The following PCDH9 variants were observed in gnomAD, a reference collection of about 807,000 sequenced individuals.
The protein encoded by PCDH9 is protocadherin 9, also known as protocadherin-9.
Under a neutral mutation model 70.6 loss-of-function variants are expected in PCDH9, and 24 were observed. The ratio of observed to expected loss-of-function variants is 0.34; its 90% confidence interval spans 0.25 to 0.48. PCDH9 has a LOEUF of 0.48. Among genes scored for constraint, PCDH9 ranks in the 20% least tolerant of loss-of-function variants. PCDH9 has a pLI of 0.99. For synonymous variants in PCDH9, 562 were observed against 558.5 expected (o/e 1.01, Z -0.09); for missense variants, 1,281 against 1,503.6 (o/e 0.85, Z 2.45).
chr13:66,667,180 A>G (rs1162008217), intron 3 of PCDH9, among the ~76,000 whole-genome samples: 1 of 152,186 alleles, frequency 6.6e-6, no homozygotes, highest in Non-Finnish European at 1.5e-5. Context: ...TGTGCCTGAT[A>G]GTCCCTGGTT....
chr13:67,138,843 C>CCT (rs1483350524), intron 2 of PCDH9, among the ~76,000 whole-genome samples: 1 of 152,062 alleles, frequency 6.6e-6, no homozygotes, highest in Non-Finnish European at 1.5e-5. Context: ...TTGAAAATAG[C>CCT]CTATACATAT....
In PCDH9 at chr13:66,631,315, G is replaced by C; in HGVS notation, c.3235C>G (p.Leu1079Val). The stretch of plus-strand genomic sequence containing the variant: ...ACCAGAGGAAGAGGGTGTGAGATCA[G>C]GGTTCCACTACCCACCGGCTCATGG... Reference protein sequence around the residue: ...GDHEPVGSGTLISHPLPLVQP... With the variant: ...GDHEPVGSGTVISHPLPLVQP... Residue 1079 changes from leucine (L) to valine (V), a missense_variant, in exon 4 of 5, where the codon CTG becomes GTG. Physicochemically the swap from Leu to Val is conservative, Grantham distance 32. Transcript: ENST00000377865. The C allele has an allele frequency of 6.2e-7, 1 of 1,603,410 alleles. No homozygotes were observed.
chr13:67,126,151 G>A (rs1373593825), intron 2 of PCDH9, among the ~76,000 whole-genome samples: 2 of 152,056 alleles, frequency 1.3e-5, no homozygotes, highest in African/African-American at 4.8e-5. Context: ...CCAGAGCCTG[G>A]GCTTTCAGAC....
intron 2 of PCDH9, among the ~76,000 whole-genome samples, chr13:66,981,120 T>C (rs1463670575): frequency 2.0e-5 from 3 of 152,030 alleles, no homozygotes; most frequent in African/African-American, 7.2e-5. Flanking sequence ...TTACAGAATA[T>C]AATAAAATAA....
intron 2 of PCDH9, among the ~76,000 whole-genome samples, chr13:66,946,082 C>T (rs1046338720): frequency 1.3e-5 from 2 of 152,096 alleles, no homozygotes; most frequent in African/African-American, 4.8e-5. Context: ...CATCTGGTCA[C>T]TAATGACTTC....
chr13:66,320,325 G>A (rs1955731647), intron 4 of PCDH9, among the ~76,000 whole-genome samples: 1 of 152,000 alleles, frequency 6.6e-6, no homozygotes, highest in South Asian at 2.1e-4. Context: ...CTGTGCCTCA[G>A]TCTACCACAT....
At chr13:67,044,937 T>A (rs1458787041) in intron 2 of PCDH9, among the ~76,000 whole-genome samples, 1 of 152,032 alleles carries the variant, frequency 6.6e-6, no homozygotes, top group African/African-American at 2.4e-5. Context: ...ATTAGGAAGA[T>A]GAATCTGATA....
At chr13:66,556,315 G>A (rs1184358334) in intron 4 of PCDH9, among the ~76,000 whole-genome samples, 4 of 152,050 alleles carry the variant, frequency 2.6e-5, no homozygotes, top group Non-Finnish European at 5.9e-5. Context: ...ATGAGTGTAA[G>A]ATATGGGGAC....
At chr13:67,125,323 C>T (rs547786590) in intron 2 of PCDH9, among the ~76,000 whole-genome samples, 2 of 152,064 alleles carry the variant, frequency 1.3e-5, no homozygotes, top group Middle Eastern at 3.4e-3. Flanking sequence ...CTGTTGCCAG[C>T]GAAAACATAA....
In PCDH9 at chr13:66,406,076, G is replaced by T. The variant is rs183886924; in HGVS notation, c.3341-101048C>A. On this transcript the variant is annotated intron_variant, in intron 4 of 4. Coordinates refer to ENST00000377865, the MANE Select transcript of PCDH9 (RefSeq NM_203487.3). Reference sequence around the variant, plus strand: ...AGTTAGCTGACTGTCTTGCTGCTTTGGGCATGCAGGATTGTGGATAGTAAA... The same window carrying T: ...AGTTAGCTGACTGTCTTGCTGCTTTTGGCATGCAGGATTGTGGATAGTAAA... Among the ~76,000 whole-genome samples the T allele has an allele frequency of 1.3e-4, 20 of 152,192 alleles. No individual in the cohort carries two copies. The East Asian group carries it at 3.5e-3, about 27-fold the overall frequency.
intron 2 of PCDH9, among the ~76,000 whole-genome samples, chr13:66,955,639 G>A (rs911544385): frequency 6.6e-6 from 1 of 152,120 alleles, no homozygotes; most frequent in Non-Finnish European, 1.5e-5. Context: ...AAGAAGAGAT[G>A]ACAAAGTACT....
chr13:66,890,003 A>C (rs1376371028), intron 3 of PCDH9, among the ~76,000 whole-genome samples: 2 of 152,164 alleles, frequency 1.3e-5, no homozygotes, highest in African/African-American at 4.8e-5. Context: ...CAATTCAGTA[A>C]ACAAAAAGAT....
chr13:66,862,569 G>A (rs935538544), intron 3 of PCDH9, among the ~76,000 whole-genome samples: 1 of 152,190 alleles, frequency 6.6e-6, no homozygotes, highest in East Asian at 1.9e-4. Context: ...GCTTTAACTT[G>A]ATATGGATAG....
At chr13:66,622,787 C>CCGCGCTGGTGGACTTT (rs2077443506) in intron 4 of PCDH9, among the ~76,000 whole-genome samples, 1 of 152,186 alleles carries the variant, frequency 6.6e-6, no homozygotes, top group African/African-American at 2.4e-5. Context: ...CAGTGGCAAT[C>CCGCGCTGGTGGACTTT]CGCGCTGGTG....
chr13:67,165,335 A>G (rs1251416993), intron 2 of PCDH9, among the ~76,000 whole-genome samples: 4 of 152,156 alleles, frequency 2.6e-5, no homozygotes, highest in African/African-American at 9.7e-5. Flanking sequence ...TTATCCACAT[A>G]TTAATAAAAA....
intron 2 of PCDH9, among the ~76,000 whole-genome samples, chr13:67,096,624 C>T (rs2086326150): frequency 6.6e-6 from 1 of 152,158 alleles, no homozygotes; most frequent in Non-Finnish European, 1.5e-5. Flanking sequence ...CAAAGTTCAT[C>T]ACTTACACTG....
chr13:66,975,337 A>G (rs2083596492), intron 2 of PCDH9, among the ~76,000 whole-genome samples: 1 of 152,050 alleles, frequency 6.6e-6, no homozygotes. Context: ...ATCTCAATGG[A>G]TTTTTTGTTA....
In PCDH9 at chr13:66,672,475, C is replaced by G. The variant is rs1403381263; in HGVS notation, c.3139-41064G>C. Among the ~76,000 whole-genome samples, 3 of 152,108 alleles carry G rather than the reference C, an allele frequency of 2.0e-5. No individual in the cohort carries two copies. The East Asian group carries it at 5.8e-4, about 29-fold the overall frequency. ...ATGCAGAACCTCTGCTAGGGCAATGCAGGAGGGAAATGAGGGGTGGGAGCC... is the reference window on the plus strand; with the variant it reads ...ATGCAGAACCTCTGCTAGGGCAATGGAGGAGGGAAATGAGGGGTGGGAGCC... On this transcript the variant is annotated intron_variant, in intron 3 of 4. Coordinates refer to ENST00000377865, the MANE Select transcript of PCDH9 (RefSeq NM_203487.3).
In PCDH9 at chr13:66,699,499, C is replaced by T. The variant is rs368500398; in HGVS notation, c.3139-68088G>A. ...GACCCTCAATTCAATGACAAGTGTC[C>T]GTATAAGACACACATAGAGGAGACA... On this transcript the variant is annotated intron_variant, in intron 3 of 4. Transcript: ENST00000377865. 3.0e-4 allele frequency among the ~76,000 whole-genome samples: 46 copies of T among 152,060 alleles called. No individual in the cohort carries two copies. The South Asian group carries it at 8.5e-3, about 28-fold the overall frequency.
Sources: allele counts gnomAD v4.1 joint callset (sites outside exome capture counted in the v4.1 genomes callset), GRCh38; gene constraint gnomAD v4.1.1; transcripts MANE v1.5; gene names NCBI Gene and HGNC (gene_info 2026-07-23, HGNC 2026-07-21).